The following MAPK8 variants were observed in gnomAD, a reference collection of about 807,000 sequenced individuals.
The protein encoded by MAPK8 is JUN N-terminal kinase.
A neutral mutation model predicts 52.9 loss-of-function variants in MAPK8; 13 were observed. That is an observed-to-expected ratio of 0.25 (90% confidence interval 0.16 to 0.39). MAPK8 has a LOEUF of 0.39. Ranked by LOEUF, MAPK8 falls within the 10% of genes least tolerant of loss-of-function variation. The probability of loss-of-function intolerance (pLI) is 1.00; values close to 1 mark genes in which losing one functional copy is unlikely to be tolerated. For missense variants in MAPK8, 300 were observed against 519.2 expected (o/e 0.58, Z 4.10); for synonymous variants, 191 against 169.8 (o/e 1.12, Z -0.97).
In MAPK8 at chr10:48,435,181, C is replaced by A; in HGVS notation, c.*152C>A. 1.8e-6 allele frequency: 1 copy of A among 566,026 alleles called. No homozygotes were observed. Among genetic ancestry groups the A allele is most frequent in the Admixed American group, 3.7e-5 (1 of 26,746 alleles). 35.1% of individuals were successfully genotyped at this position (566,026 alleles called of 1,614,324 possible). A position where few individuals can be genotyped will look rare whatever the true frequency, so the allele number is the denominator to read the frequency against. On this transcript the variant is annotated 3_prime_UTR_variant, in exon 12 of 12. Coordinates refer to ENST00000374189, the MANE Select transcript of MAPK8 (RefSeq NM_001323329.2). ...TAAAGTAGTTTATTTTTTTTAATTT[C>A]AAGTGATGTAATTTAAAACCTAAGT... is the stretch of plus-strand genomic sequence containing the variant.
At chr10:48,383,508 A>T (rs1229906609) in intron 1 of MAPK8, among the ~76,000 whole-genome samples, 1 of 152,160 alleles carries the variant, frequency 6.6e-6, no homozygotes, top group African/African-American at 2.4e-5. Context: ...AAAGAAAGGA[A>T]TTTTTTGTTG....
intron 1 of MAPK8, among the ~76,000 whole-genome samples, chr10:48,383,546 A>T (rs2041139033): frequency 6.6e-6 from 1 of 152,164 alleles, no homozygotes; most frequent in African/African-American, 2.4e-5. Context: ...TCTGTTTTAG[A>T]TCTTATCTCA....
chr10:48,311,120 T>G (rs114250646), intron 1 of MAPK8, among the ~76,000 whole-genome samples: 16 of 152,298 alleles, frequency 1.1e-4, no homozygotes, highest in African/African-American at 3.8e-4. Flanking sequence ...GAGGTTTAAA[T>G]TAGGTACTGC....
Position 48,409,935 on chromosome 10 carries a change from T to C in MAPK8, c.309T>C (p.Asp103=). Residue 103 remains aspartate (D), a splice_region_variant and synonymous_variant, in exon 4 of 12, where the codon GAT becomes GAC. Transcript: ENST00000374189. ...TPQKSLEEFQ[D]VYIVMELMDA... is the part of the protein sequence containing the mutation. ...AGAAATCCCTAGAAGAATTTCAAGA[T>C]GTGTAAGTGTAATAATTAAAATTTT... 6.2e-7 allele frequency: 1 copy of C among 1,611,158 alleles called. No homozygotes were observed. The highest frequency in any genetic ancestry group is 8.5e-7 in the Non-Finnish European group (1 of 1,177,820).
chr10:48,399,112 C>T (rs2042031669), intron 1 of MAPK8, among the ~76,000 whole-genome samples: 1 of 152,144 alleles, frequency 6.6e-6, no homozygotes, highest in South Asian at 2.1e-4. Flanking sequence ...AGTATCTGTT[C>T]CTGAGCCCAG....
intron 1 of MAPK8, among the ~76,000 whole-genome samples, chr10:48,326,783 G>A (rs1588950767): frequency 1.3e-5 from 2 of 151,990 alleles, no homozygotes; most frequent in East Asian, 1.9e-4. Context: ...TGGTCCTCCC[G>A]TTACTGACCA....
At chr10:48,374,195 G>C (rs1337479196) in intron 1 of MAPK8, among the ~76,000 whole-genome samples, 2 of 152,042 alleles carry the variant, frequency 1.3e-5, no homozygotes, top group Non-Finnish European at 1.5e-5. Context: ...TTTGAAACCA[G>C]TGAGAACAAA....
At chr10:48,340,767 A>T (rs2132332891) in intron 1 of MAPK8, among the ~76,000 whole-genome samples, 1 of 152,358 alleles carries the variant, frequency 6.6e-6, no homozygotes, top group South Asian at 2.1e-4. Flanking sequence ...GTATTCAAAC[A>T]AAAACATAAG....
chr10:48,380,855 CAG>C (rs2040961268), intron 1 of MAPK8, among the ~76,000 whole-genome samples: 1 of 152,304 alleles, frequency 6.6e-6, no homozygotes, highest in South Asian at 2.1e-4. Flanking sequence ...AGTGATAAGT[CAG>C]TGATTTTTAA....
chr10:48,368,535 C>T (rs1848270455), intron 1 of MAPK8, among the ~76,000 whole-genome samples: 1 of 152,180 alleles, frequency 6.6e-6, no homozygotes, highest in African/African-American at 2.4e-5. Flanking sequence ...GGGCCAGGGC[C>T]AAATCATCCA....
intron 1 of MAPK8, among the ~76,000 whole-genome samples, chr10:48,384,119 G>A (rs1288987780): frequency 6.6e-6 from 1 of 152,196 alleles, no homozygotes; most frequent in East Asian, 1.9e-4. Context: ...AGGTGTGGTA[G>A]CGGGCACCTG....
intron 1 of MAPK8, among the ~76,000 whole-genome samples, chr10:48,391,069 G>T (rs2132848303): frequency 6.6e-6 from 1 of 152,280 alleles, no homozygotes; most frequent in Non-Finnish European, 1.5e-5. Context: ...ACAAAAGAGT[G>T]TTAAAAATAT....
chr10:48,420,044 A>G (rs1236675047), intron 5 of MAPK8, 111 bp from the exon 6 acceptor site: 9 of 804,122 alleles, frequency 1.1e-5, no homozygotes, highest in Non-Finnish European at 1.7e-5. Context: ...TACAGTGAGA[A>G]AAACGAACAA....
In MAPK8 at chr10:48,426,099, C is replaced by G. The variant is rs758665779; in HGVS notation, c.871+29C>G. On this transcript the variant is annotated intron_variant, in intron 8 of 11. Coordinates refer to ENST00000374189, the MANE Select transcript of MAPK8 (RefSeq NM_001323329.2). ...CTTTTTACAAATATGTACATTTAAT[C>G]CCATTTGGGGTGTGTAGTGTGTGTG... is the stretch of plus-strand genomic sequence containing the variant. 5.7e-6 allele frequency: 9 copies of G among 1,576,256 alleles called. No homozygotes were observed. In the South Asian group the frequency reaches 8.1e-5, roughly 14 times the overall value.
chr10:48,365,816 CAT>C (rs572300496), intron 1 of MAPK8, among the ~76,000 whole-genome samples: 132 of 152,274 alleles, frequency 8.7e-4, no homozygotes, highest in Middle Eastern at 3.4e-3. Flanking sequence ...GAGCATGTCT[CAT>C]GTGTTACAGT....
rs544192154 is a variant in MAPK8 at position 48,414,386 on chromosome 10, G to T, written c.450+4218G>T. Among the ~76,000 whole-genome samples, 3 of 150,092 alleles carry T rather than the reference G, an allele frequency of 2.0e-5. No individual in the cohort carries two copies. In the South Asian group the frequency reaches 6.3e-4, roughly 32 times the overall value. On this transcript the variant is annotated intron_variant, in intron 5 of 11. Transcript: ENST00000374189. ...ATGAACATTTATGTAAAATTTTTTTGTGTGTTGGTATGTTTTGTATTTTAG... is the reference window on the plus strand; with the variant it reads ...ATGAACATTTATGTAAAATTTTTTTTTGTGTTGGTATGTTTTGTATTTTAG...
intron 1 of MAPK8, among the ~76,000 whole-genome samples, chr10:48,380,591 G>A (rs558384803): frequency 1.2e-4 from 19 of 152,170 alleles, no homozygotes; most frequent in South Asian, 1.2e-3. Flanking sequence ...AAAATTAGCC[G>A]GGCGTGGTGG....
At chr10:48,318,887 C>G (rs939803131) in intron 1 of MAPK8, among the ~76,000 whole-genome samples, 19 of 152,002 alleles carry the variant, frequency 1.2e-4, no homozygotes, top group Non-Finnish European at 5.9e-5. Flanking sequence ...TTTCAGAAGG[C>G]CAAGTAAAGG....
chr10:48,404,186 T>G (rs940777472), intron 2 of MAPK8, among the ~76,000 whole-genome samples: 5 of 151,714 alleles, frequency 3.3e-5, no homozygotes, highest in African/African-American at 1.2e-4. Flanking sequence ...TTTTTTTTTT[T>G]GAGGGAGTCT....
Sources: allele counts gnomAD v4.1 joint callset (sites outside exome capture counted in the v4.1 genomes callset), GRCh38; gene constraint gnomAD v4.1.1; transcripts MANE v1.5; gene names NCBI Gene and HGNC (gene_info 2026-07-23, HGNC 2026-07-21).